Variants in RAPGEF2 observed in about 807,000 individuals in gnomAD.
RAPGEF2 encodes PDZ domain containing guanine nucleotide exchange factor (GEF) 1.
Under a neutral mutation model 186.7 loss-of-function variants are expected in RAPGEF2, and 54 were observed. That is an observed-to-expected ratio of 0.29 (90% CI 0.23 to 0.36). The LOEUF is 0.36. RAPGEF2 is among the 10% of genes least tolerant of loss of function. The probability of loss-of-function intolerance (pLI) is 1.00; values close to 1 mark genes in which losing one functional copy is unlikely to be tolerated. For synonymous variants in RAPGEF2, 712 were observed against 705.9 expected (o/e 1.01, Z -0.14); for missense variants, 1,532 against 2,045.0 (o/e 0.75, Z 4.84).
chr4:159,280,885 A>G (rs947098626), intron 7 of RAPGEF2, among the ~76,000 whole-genome samples: 14 of 152,172 alleles, frequency 9.2e-5, no homozygotes, highest in African/African-American at 3.4e-4. Context: ...TTTTTTGTGT[A>G]GTAAAACAAT....
intron 8 of RAPGEF2, among the ~76,000 whole-genome samples, chr4:159,307,225 A>AG (rs1338316156): frequency 9.2e-5 from 14 of 152,176 alleles, no homozygotes; most frequent in African/African-American, 3.4e-4. Flanking sequence ...GTATTTAGTC[A>AG]GTGCTGTTTT....
intron 7 of RAPGEF2, among the ~76,000 whole-genome samples, chr4:159,255,860 G>A (rs771161474): frequency 4.0e-5 from 6 of 151,716 alleles, no homozygotes; most frequent in South Asian, 2.1e-4. Context: ...AATTTTTGTC[G>A]AACAGATTTT....
At chr4:159,145,075 T>C (rs1742795464) in intron 1 of RAPGEF2, among the ~76,000 whole-genome samples, 1 of 151,722 alleles carries the variant, frequency 6.6e-6, no homozygotes. Context: ...TAGACAGGAT[T>C]TCACCATGTT....
At chr4:159,284,481 G>GACACACACAC (rs36232973) in intron 7 of RAPGEF2, among the ~76,000 whole-genome samples, 2 of 140,352 alleles carry the variant, frequency 1.4e-5, no homozygotes, top group African/African-American at 5.3e-5. Flanking sequence ...CCGCCATGGA[G>GACACACACAC]ACACACACAC....
chr4:159,332,782 G>A, intron 17 of RAPGEF2, 85 bp downstream of exon 17: 1 of 1,455,904 alleles, frequency 6.9e-7, no homozygotes, highest in Non-Finnish European at 9.3e-7. Context: ...ATGTTTGCAT[G>A]AGTCTGAAAA....
chr4:159,305,148 C>T (rs1763130725), intron 8 of RAPGEF2, among the ~76,000 whole-genome samples: 1 of 152,136 alleles, frequency 6.6e-6, no homozygotes, highest in South Asian at 2.1e-4. Flanking sequence ...CATACAGGTG[C>T]AGGTATCTTT....
At chr4:159,263,652 A>G (rs73859112) in intron 7 of RAPGEF2, among the ~76,000 whole-genome samples, 161 of 152,300 alleles carry the variant, frequency 1.1e-3, no homozygotes, top group African/African-American at 3.8e-3. Flanking sequence ...AAAGATAAGT[A>G]CATTATTCTC....
intron 7 of RAPGEF2, among the ~76,000 whole-genome samples, chr4:159,290,397 A>G (rs1197589434): frequency 1.3e-5 from 2 of 152,200 alleles, no homozygotes; most frequent in Non-Finnish European, 1.5e-5. Context: ...AGGTTCTCTG[A>G]ATGGATTTTA....
chr4:159,267,184 C>T, intron 7 of RAPGEF2: 2 of 1,286,864 alleles, frequency 1.6e-6, no homozygotes, highest in Non-Finnish European at 2.0e-6. Context: ...TTGCTTTCTG[C>T]AGGAAGCAGC....
At chr4:159,232,186 G>A (rs570322534) in intron 4 of RAPGEF2, among the ~76,000 whole-genome samples, 1 of 152,184 alleles carries the variant, frequency 6.6e-6, no homozygotes, top group South Asian at 2.1e-4. Flanking sequence ...TGTTACAGTG[G>A]CATTAATTAC....
intron 1 of RAPGEF2, among the ~76,000 whole-genome samples, chr4:159,170,258 GT>G (rs2111245713): frequency 6.6e-6 from 1 of 151,796 alleles, no homozygotes; most frequent in East Asian, 1.9e-4. Flanking sequence ...GGTTACTTGT[GT>G]TTTTTTGCTA....
At chr4:159,193,130 T>G in intron 2 of RAPGEF2, 70 bp from the exon 3 acceptor site, 1 of 855,660 alleles carries the variant, frequency 1.2e-6, no homozygotes, top group Non-Finnish European at 1.6e-6. Flanking sequence ...TATGTGTCAT[T>G]TAAGGGTTTA....
At chr4:159,160,964 G>A (rs1187546707) in intron 1 of RAPGEF2, among the ~76,000 whole-genome samples, 1 of 146,766 alleles carries the variant, frequency 6.8e-6, no homozygotes, top group Non-Finnish European at 1.5e-5. Flanking sequence ...TCAAGTATCC[G>A]AACCTAATTA....
At chr4:159,257,342 G>A (rs1042016986) in intron 7 of RAPGEF2, among the ~76,000 whole-genome samples, 6 of 152,204 alleles carry the variant, frequency 3.9e-5, no homozygotes, top group Non-Finnish European at 7.3e-5. Flanking sequence ...GGAGGAGCAA[G>A]TCACATCTTA....
At chr4:159,158,104 G>T (rs571231095) in intron 1 of RAPGEF2, among the ~76,000 whole-genome samples, 1 of 152,258 alleles carries the variant, frequency 6.6e-6, no homozygotes, top group South Asian at 2.1e-4. Context: ...TCTTAAAGGA[G>T]ATAAATATTA....
Position 159,192,747 on chromosome 4 carries a change from A to G in RAPGEF2, c.141-453A>G, listed in dbSNP as rs1446523924. ...AAAATATCAAGTTAATTAGAGCCTT[A>G]GAGCCTACTTTTATCTGAAATTCCA... On this transcript the variant is annotated intron_variant, in intron 2 of 29. Transcript: ENST00000691494. Among the ~76,000 whole-genome samples, 4 of 152,224 alleles carry G rather than the reference A, an allele frequency of 2.6e-5. No individual in the cohort carries two copies. The South Asian group carries it at 6.2e-4, about 24-fold the overall frequency.
intron 1 of RAPGEF2, among the ~76,000 whole-genome samples, chr4:159,150,127 TA>T (rs1203581733): frequency 7.1e-6 from 1 of 140,112 alleles, no homozygotes; most frequent in Non-Finnish European, 1.5e-5. Context: ...TTATATACTA[TA>T]ATATATAACA....
At chr4:159,330,636 C>CA (rs777069865) in intron 13 of RAPGEF2, 138 bp downstream of exon 13, 187 of 571,126 alleles carry the variant, frequency 3.3e-4, no homozygotes, top group African/African-American at 1.6e-3. Context: ...CAAAAAAAAA[C>CA]AAAAAAACAA....
chr4:159,139,963 T>C (rs1742140412), intron 1 of RAPGEF2, among the ~76,000 whole-genome samples: 2 of 152,212 alleles, frequency 1.3e-5, no homozygotes, highest in Non-Finnish European at 2.9e-5. Flanking sequence ...AAATGGAGGC[T>C]CATGCTTAGA....
Sources: gnomAD v4.1 joint callset for allele counts (sites outside exome capture counted in the v4.1 genomes callset) on GRCh38, gnomAD v4.1.1 for gene constraint, MANE v1.5 for transcripts, NCBI Gene and HGNC (gene_info 2026-07-23, HGNC 2026-07-21) for gene names.